ASIC2: variants seen among roughly 807,000 people sequenced by gnomAD.
ASIC2 encodes the protein acid-sensing ion channel 2.
In ASIC2, 25 loss-of-function variants were observed where a neutral mutation model predicts 57.3. That is an observed-to-expected ratio of 0.44 (90% CI 0.32 to 0.61). The LOEUF (loss-of-function observed/expected upper bound fraction) is 0.61. Among genes scored for constraint, ASIC2 ranks in the 20% least tolerant of loss-of-function variants. The pLI is 0.06. For synonymous variants in ASIC2, 319 were observed against 307.5 expected, an observed-to-expected ratio of 1.04 and a Z score of -0.39; for missense variants, 641 against 738.1, an observed-to-expected ratio of 0.87 and a Z score of 1.52.
intron 1 of ASIC2, among the ~76,000 whole-genome samples, chr17:33,460,441 C>G (rs376497857): frequency 6.6e-6 from 1 of 152,068 alleles, no homozygotes; most frequent in African/African-American, 2.4e-5. Context: ...GCCTGGCACA[C>G]AAAGGAGGCC....
At chr17:33,630,603 G>T (rs546671127) in intron 1 of ASIC2, among the ~76,000 whole-genome samples, 4 of 152,284 alleles carry the variant, frequency 2.6e-5, no homozygotes, top group Admixed American at 2.0e-4. Context: ...AAGGTCAAGG[G>T]TTCCAAATCC....
At chr17:33,946,102 G>A (rs1904367194) in intron 1 of ASIC2, among the ~76,000 whole-genome samples, 1 of 152,174 alleles carries the variant, frequency 6.6e-6, no homozygotes, top group African/African-American at 2.4e-5. Flanking sequence ...ATTGGAGGAG[G>A]GGACCAGATC....
chr17:33,943,659 A>G (rs1157793007), intron 1 of ASIC2, among the ~76,000 whole-genome samples: 1 of 151,174 alleles, frequency 6.6e-6, no homozygotes, highest in Non-Finnish European at 1.5e-5. Flanking sequence ...AAAATATAGG[A>G]GAAAGAAGCC....
At chr17:33,986,993 T>C (rs746458729) in intron 1 of ASIC2, among the ~76,000 whole-genome samples, 25 of 152,210 alleles carry the variant, frequency 1.6e-4, no homozygotes, top group Non-Finnish European at 2.9e-4. Flanking sequence ...ATAGCAATAA[T>C]AGCTACTGCT....
At chr17:33,504,852 G>T (rs998915150) in intron 1 of ASIC2, among the ~76,000 whole-genome samples, 4 of 152,172 alleles carry the variant, frequency 2.6e-5, no homozygotes, top group African/African-American at 7.2e-5. Context: ...TGTTGGTTCA[G>T]GTCCATTGTT....
chr17:34,022,629 G>GAAA lies in ASIC2; in HGVS notation c.555+133346_555+133348dup, dbSNP rs796222459. ...GTCTGGTCTTCATGCAATTTCCCAT[G>GAAA]AAAAAAAAAAACAAAAAAAAAAACA... On this transcript the variant is annotated intron_variant, in intron 1 of 9. Transcript: ENST00000359872. 2.6e-3 allele frequency among the ~76,000 whole-genome samples: 233 copies of GAAA among 90,194 alleles called. 2 individuals are homozygous for GAAA. The highest frequency in any genetic ancestry group is 9.3e-3 in the African/African-American group (222 of 23,814). 59.2% of individuals were successfully genotyped at this position (90,194 alleles called of 152,430 possible).
At chr17:33,968,857 G>T (rs769350102) in intron 1 of ASIC2, among the ~76,000 whole-genome samples, 7 of 152,234 alleles carry the variant, frequency 4.6e-5, no homozygotes, top group Non-Finnish European at 1.0e-4. Context: ...CAGGGAGCTG[G>T]CCTGCCCCAC....
At chr17:33,997,871 G>A (rs993551227) in intron 1 of ASIC2, among the ~76,000 whole-genome samples, 1 of 152,024 alleles carries the variant, frequency 6.6e-6, no homozygotes, top group African/African-American at 2.4e-5. Context: ...TTGGTATCTG[G>A]GTAATGCTGA....
intron 3 of ASIC2, among the ~76,000 whole-genome samples, chr17:33,065,632 C>T (rs1390449518): frequency 2.0e-5 from 3 of 151,984 alleles, no homozygotes; most frequent in African/African-American, 7.3e-5. Flanking sequence ...GGGGAGGCAA[C>T]TTCCATTCTC....
chr17:33,541,968 C>A (rs1301020562), intron 1 of ASIC2, among the ~76,000 whole-genome samples: 1 of 152,168 alleles, frequency 6.6e-6, no homozygotes, highest in African/African-American at 2.4e-5. Context: ...GTTTCCTCAT[C>A]AATTTCATGG....
At chr17:33,789,060 C>T (rs921015076) in intron 1 of ASIC2, among the ~76,000 whole-genome samples, 2 of 152,138 alleles carry the variant, frequency 1.3e-5, no homozygotes, top group South Asian at 4.2e-4. Context: ...GTAACACCTT[C>T]CCATCTCTGG....
At chr17:33,480,162 G>T (rs1420513817) in intron 1 of ASIC2, among the ~76,000 whole-genome samples, 4 of 152,182 alleles carry the variant, frequency 2.6e-5, no homozygotes, top group Non-Finnish European at 5.9e-5. Context: ...GGGCATCATT[G>T]TGTGCCAGGC....
chr17:33,573,500 C>G (rs1916517779), intron 1 of ASIC2, among the ~76,000 whole-genome samples: 1 of 152,202 alleles, frequency 6.6e-6, no homozygotes, highest in Admixed American at 6.5e-5. Context: ...GCTTCCAGCA[C>G]ATGTGGGAAA....
intron 1 of ASIC2, among the ~76,000 whole-genome samples, chr17:33,602,938 A>T (rs1905144886): frequency 6.6e-6 from 1 of 152,206 alleles, no homozygotes. Context: ...GAATCCTCGC[A>T]GGGGCTCTAA....
At chr17:33,406,580 A>T (rs1910483458) in intron 1 of ASIC2, among the ~76,000 whole-genome samples, 1 of 152,182 alleles carries the variant, frequency 6.6e-6, no homozygotes, top group African/African-American at 2.4e-5. Flanking sequence ...TGTTTCCTTG[A>T]TTATAAGATG....
At chr17:33,384,998 A>AATTCCAT (rs879548119) in intron 1 of ASIC2, among the ~76,000 whole-genome samples, 6 of 152,192 alleles carry the variant, frequency 3.9e-5, no homozygotes, top group Non-Finnish European at 8.8e-5. Context: ...CCAAATTCCA[A>AATTCCAT]ATTCCATTTC....
chr17:33,182,680 C>T lies in ASIC2; in HGVS notation c.709-70613G>A, dbSNP rs143987028. Among the ~76,000 whole-genome samples, 564 of 152,244 alleles carry T rather than the reference C, an allele frequency of 3.7e-3. 5 individuals carry two copies. Among genetic ancestry groups the T allele is most frequent in the African/African-American group, 0.013 (521 of 41,544 alleles). The stretch of plus-strand genomic sequence containing the variant: ...AAGGCAACACCAATATAGACAGCAA[C>T]GGAGAAAACAGTGGCAATTTTGAAA... On this transcript the variant is annotated intron_variant, in intron 1 of 9. Coordinates refer to ENST00000225823, the MANE Select transcript of ASIC2 (RefSeq NM_183377.2).
intron 1 of ASIC2, among the ~76,000 whole-genome samples, chr17:34,016,423 C>CAAAAAAAAAAAA (rs398041640): frequency 2.4e-4 from 10 of 41,456 alleles, no homozygotes; most frequent in African/African-American, 8.3e-4. Context: ...GACTCCGTCT[C>CAAAAAAAAAAAA]AAAAAAAAAA....
intron 1 of ASIC2, among the ~76,000 whole-genome samples, chr17:33,171,773 C>T (rs1471916079): frequency 6.6e-6 from 1 of 152,240 alleles, no homozygotes; most frequent in East Asian, 1.9e-4. Context: ...TTTTAGCCAT[C>T]TCCAACCTCA....
Sources: gnomAD v4.1 joint callset for allele counts (sites outside exome capture counted in the v4.1 genomes callset) on GRCh38, gnomAD v4.1.1 for gene constraint, MANE v1.5 for transcripts, NCBI Gene and HGNC (gene_info 2026-07-23, HGNC 2026-07-21) for gene names.